HEXB: variants seen among roughly 807,000 people sequenced by gnomAD.
HEXB encodes hexosaminidase subunit beta.
HEXB carries 51 observed loss-of-function variants against 71.2 expected under a neutral mutation model. The observed-to-expected ratio is 0.72, with a 90% CI of 0.57 to 0.90. HEXB has a LOEUF of 0.90. Ranked by LOEUF, HEXB falls within the 40% of genes least tolerant of loss-of-function variation. The pLI, the probability that HEXB is intolerant of heterozygous loss-of-function variation, is 0.00. For missense variants in HEXB, 617 were observed against 677.0 expected, an observed-to-expected ratio of 0.91 and a Z score of 0.98; for synonymous variants, 266 against 249.3, an observed-to-expected ratio of 1.07 and a Z score of -0.63.
chr5:74,646,799 C>T (rs1748009998), intron 1 of HEXB, among the ~76,000 whole-genome samples: 1 of 151,994 alleles, frequency 6.6e-6, no homozygotes, highest in East Asian at 1.9e-4. Context: ...GAACTCCTGA[C>T]CTCGTGATAC....
chr5:74,718,760 G>C (rs763288492), intron 10 of HEXB, 37 bp from the exon 11 acceptor site: 1 of 1,590,868 alleles, frequency 6.3e-7, no homozygotes, highest in Non-Finnish European at 8.6e-7. Context: ...ACTGTTCTAG[G>C]CCTAATAATA....
intron 1 of HEXB, among the ~76,000 whole-genome samples, chr5:74,666,100 T>C (rs1463230541): frequency 1.3e-5 from 2 of 152,248 alleles, no homozygotes; most frequent in Non-Finnish European, 1.5e-5. Context: ...GTTTTATTAC[T>C]TGGAGACAGG....
At chr5:74,659,514 A>G (rs1748280323) in intron 1 of HEXB, among the ~76,000 whole-genome samples, 1 of 152,240 alleles carries the variant, frequency 6.6e-6, no homozygotes, top group Non-Finnish European at 1.5e-5. Context: ...AATATGAGTC[A>G]GTTAGCAGCA....
At chr5:74,718,759 G>A in intron 10 of HEXB, 38 bp from the exon 11 acceptor site, 5 of 1,588,514 alleles carry the variant, frequency 3.1e-6, no homozygotes, top group Non-Finnish European at 4.3e-6. Flanking sequence ...TACTGTTCTA[G>A]GCCTAATAAT....
rs777583926 is a variant in HEXB, at chr5:74,720,593, T to TAAAC, written c.1509-48_1509-45dup. The TAAAC allele has an allele frequency of 2.5e-6, 4 of 1,600,810 alleles. No homozygotes were observed. The African/African-American group carries it at 4.0e-5, about 16-fold the overall frequency. On this transcript the variant is annotated intron_variant, in intron 12 of 13. Transcript: ENST00000261416. ...CTTCTCTGTCTAAACACAAAAGTGC[T>TAAAC]AAACATAAATTTAAACTGCTTGCGG...
intron 1 of HEXB, among the ~76,000 whole-genome samples, chr5:74,659,778 T>C (rs1308069962): frequency 6.6e-6 from 1 of 152,228 alleles, no homozygotes; most frequent in Non-Finnish European, 1.5e-5. Flanking sequence ...GCACATGAAG[T>C]GCTCTTCTTC....
intron 5 of HEXB, among the ~76,000 whole-genome samples, chr5:74,701,385 G>A (rs1004570191): frequency 1.6e-4 from 24 of 151,880 alleles, no homozygotes; most frequent in Non-Finnish European, 1.6e-4. Flanking sequence ...AAACCTATTA[G>A]GTATTTTAAT....
Position 74,685,377 on chromosome 5 carries a change from G to T in HEXB, c.117G>T (p.Val39=). 1.9e-6 allele frequency: 3 copies of T among 1,589,926 alleles called. No homozygotes were observed. The highest frequency in any genetic ancestry group is 2.6e-6 in the Non-Finnish European group (3 of 1,169,886). ...LLTQVALVVQ[V]AEAARAPSVS... ...CTCAGGTGGCGCTGGTGGTGCAGGT[G>T]GCGGAGGCGGCTCGGGCCCCGAGCG... The change falls in exon 1 of 14, where the codon GTG becomes GTT. Residue 39 remains valine, a synonymous_variant. Transcript: ENST00000261416.
chr5:74,677,689 C>CT (rs575779865), intron 1 of HEXB, among the ~76,000 whole-genome samples: 1 of 151,672 alleles, frequency 6.6e-6, no homozygotes, highest in African/African-American at 2.4e-5. Flanking sequence ...CAAATTAAGT[C>CT]TTTTTTTATT....
chr5:74,721,064 T>TGAATGATATCAATCTAAATCAATCTAAA, intron 13 of HEXB, 54 bp from the exon 14 acceptor site: 1 of 1,315,596 alleles, frequency 7.6e-7, no homozygotes, highest in East Asian at 2.3e-5. Context: ...AATATCTTTA[T>TGAATGATATCAATCTAAATCAATCTAAA]GAATGATATC....
intron 6 of HEXB, among the ~76,000 whole-genome samples, chr5:74,712,952 C>G (rs984565055): frequency 1.3e-5 from 2 of 151,900 alleles, no homozygotes; most frequent in South Asian, 2.1e-4. Flanking sequence ...ATTCTGGAGT[C>G]TATATGGGAA....
intron 6 of HEXB, among the ~76,000 whole-genome samples, 177 bp from the exon 7 acceptor site, chr5:74,713,329 C>T (rs961836179): frequency 6.6e-6 from 1 of 152,134 alleles, no homozygotes; most frequent in Non-Finnish European, 1.5e-5. Flanking sequence ...ATTTTCTACT[C>T]CTGAAACTAT....
intron 2 of HEXB, among the ~76,000 whole-genome samples, chr5:74,690,932 A>T (rs1323922192): frequency 6.6e-6 from 1 of 152,192 alleles, no homozygotes; most frequent in Non-Finnish European, 1.5e-5. Context: ...ACACCATGTG[A>T]AGTAGGTTTT....
chr5:74,709,967 G>T (rs908722638), intron 6 of HEXB, among the ~76,000 whole-genome samples: 36 of 150,976 alleles, frequency 2.4e-4, no homozygotes, highest in East Asian at 1.4e-3. Context: ...TACCAAAGCC[G>T]GGCAGAGACA....
At chr5:74,646,656 C>T (rs980367798) in intron 1 of HEXB, among the ~76,000 whole-genome samples, 1 of 151,776 alleles carries the variant, frequency 6.6e-6, no homozygotes, top group Non-Finnish European at 1.5e-5. Context: ...CAACCTCTGC[C>T]CTCCGAGTTC....
At chr5:74,649,595 A>G (rs1439165778) in intron 1 of HEXB, among the ~76,000 whole-genome samples, 1 of 152,192 alleles carries the variant, frequency 6.6e-6, no homozygotes, top group African/African-American at 2.4e-5. Context: ...CCAGCCTTGA[A>G]CACCTGGCAC....
At chr5:74,706,128 A>G (rs2112157697) in intron 6 of HEXB, 1 of 152,424 alleles carries the variant, frequency 6.6e-6, no homozygotes, top group East Asian at 1.9e-4. Context: ...TACATGGTCA[A>G]CCTTGTATCA....
chr5:74,653,829 A>G (rs1317291146), intron 1 of HEXB, among the ~76,000 whole-genome samples: 1 of 152,214 alleles, frequency 6.6e-6, no homozygotes. Flanking sequence ...GAAAAAATTT[A>G]TTGAACGCCT....
intron 6 of HEXB, among the ~76,000 whole-genome samples, chr5:74,708,584 G>A (rs921947156): frequency 2.0e-5 from 3 of 152,134 alleles, no homozygotes; most frequent in African/African-American, 7.2e-5. Flanking sequence ...CGATATAAAA[G>A]GATGGAGGAA....
Sources: allele counts gnomAD v4.1 joint callset (sites outside exome capture counted in the v4.1 genomes callset), GRCh38; gene constraint gnomAD v4.1.1; transcripts MANE v1.5; gene names NCBI Gene and HGNC (gene_info 2026-07-23, HGNC 2026-07-21).